The following ANKFY1 variants were observed in gnomAD, a reference collection of about 807,000 sequenced individuals.
The protein encoded by ANKFY1 is ankyrin repeat and FYVE domain-containing protein 1.
Under a neutral mutation model 128.3 loss-of-function variants are expected in ANKFY1, and 47 were observed. That is an observed-to-expected ratio of 0.37 (90% CI 0.29 to 0.47). The LOEUF (loss-of-function observed/expected upper bound fraction) is 0.47. Among genes scored for constraint, ANKFY1 ranks in the 20% least tolerant of loss-of-function variants. The pLI is 1.00. For synonymous variants in ANKFY1, 553 were observed against 601.6 expected (o/e 0.92, Z 1.18); for missense variants, 1,222 against 1,510.6 (o/e 0.81, Z 3.17).
intron 7 of ANKFY1, among the ~76,000 whole-genome samples, chr17:4,204,306 G>A (rs990006306): frequency 2.0e-5 from 3 of 152,226 alleles, no homozygotes; most frequent in Admixed American, 2.0e-4. Flanking sequence ...CGCATTCTCT[G>A]AACAAACCAA....
chr17:4,263,772 G>C, intron 1 of ANKFY1, 160 bp downstream of exon 1: 4 of 1,557,986 alleles, frequency 2.6e-6, no homozygotes, highest in Non-Finnish European at 3.5e-6. Context: ...TCCGGACCCC[G>C]GCCCGAGAAG....
chr17:4,176,137 G>A (rs2059408245), intron 19 of ANKFY1, among the ~76,000 whole-genome samples: 1 of 152,176 alleles, frequency 6.6e-6, no homozygotes, highest in African/African-American at 2.4e-5. Context: ...CACTGCCACG[G>A]CCTCCGCTCG....
Position 4,181,134 on chromosome 17 carries a change from A to T in ANKFY1, c.2240+120T>A. 1 of 784,232 alleles carries T rather than the reference A, an allele frequency of 1.3e-6. No individual in the cohort carries two copies. The highest frequency in any genetic ancestry group is 2.1e-6 in the Non-Finnish European group (1 of 469,648). 48.6% of individuals were successfully genotyped at this position (784,232 alleles called of 1,614,324 possible). On this transcript the variant is annotated intron_variant, in intron 16 of 24. Transcript: ENST00000341657. The surrounding 1 kb of genome is among the most constrained non-coding windows in gnomAD (Gnocchi z 4.9). ...AGAACAGTGACTCTCTGATAACCTT[A>T]ACTGTGAAAGTCAAGCCGGCTACTG...
chr17:4,167,679 G>T lies in ANKFY1; in HGVS notation c.*100C>A. 1 of 1,244,264 alleles carries T rather than the reference G, an allele frequency of 8.0e-7. No homozygotes were observed. Among genetic ancestry groups the T allele is most frequent in the Non-Finnish European group, 1.1e-6 (1 of 922,122 alleles). 77.1% of individuals were successfully genotyped at this position (1,244,264 alleles called of 1,614,324 possible). A position where few individuals can be genotyped will look rare whatever the true frequency, so the allele number is the denominator to read the frequency against. ...TCGTTCCAGTCTATTGCCGCAGGAAGACACCCGCCAGCTCCTGCTCTGGGT... is the reference window on the plus strand; with the variant it reads ...TCGTTCCAGTCTATTGCCGCAGGAATACACCCGCCAGCTCCTGCTCTGGGT... On this transcript the variant is annotated 3_prime_UTR_variant, in exon 25 of 25. Coordinates refer to ENST00000341657, the MANE Select transcript of ANKFY1 (RefSeq NM_001330063.2). This position sits in a 1 kb window ranked among gnomAD's most constrained non-coding sequence, Gnocchi z 4.1.
chr17:4,168,097 C>T, intron 24 of ANKFY1, 186 bp from the exon 25 acceptor site: 1 of 546,760 alleles, frequency 1.8e-6, no homozygotes, highest in Non-Finnish European at 3.1e-6. Context: ...AAACAAAACT[C>T]TAGTCAATCA....
intron 1 of ANKFY1, among the ~76,000 whole-genome samples, chr17:4,259,564 G>A (rs1013816339): frequency 6.6e-6 from 1 of 152,212 alleles, no homozygotes; most frequent in Admixed American, 6.5e-5. Flanking sequence ...TTACAGGCGT[G>A]AGCCACCGTG....
At chr17:4,249,026 T>C in intron 1 of ANKFY1, 3 of 613,488 alleles carry the variant, frequency 4.9e-6, no homozygotes, top group Non-Finnish European at 6.1e-6. Flanking sequence ...CTTCATTCAT[T>C]ACAAATAGCC....
In ANKFY1 at chr17:4,183,822, T is replaced by C. The variant is rs1291313819; in HGVS notation, c.1788A>G (p.Ala596=). ...CCGGCACAGCCTTACCAGTCCATAATGCCAGGCCCAGCACAGTCTGGTCTC... is the reference window on the plus strand; with the variant it reads ...CCGGCACAGCCTTACCAGTCCATAACGCCAGGCCCAGCACAGTCTGGTCTC... The part of the protein sequence containing the change: ...DSRDQTVLGL[A]LWTGMHTIAA... The change falls in exon 13 of 25, where the codon GCA becomes GCG. Residue 596 remains alanine (A), a synonymous_variant. Coordinates refer to ENST00000341657, the MANE Select transcript of ANKFY1 (RefSeq NM_001330063.2). The C allele has an allele frequency of 1.2e-6, 2 of 1,612,468 alleles. No individual in the cohort carries two copies. Among genetic ancestry groups the C allele is most frequent in the Admixed American group, 1.7e-5 (1 of 60,020 alleles).
intron 22 of ANKFY1, among the ~76,000 whole-genome samples, chr17:4,171,308 A>G (rs886435685): frequency 6.6e-6 from 1 of 152,174 alleles, no homozygotes; most frequent in African/African-American, 2.4e-5. Context: ...GAGAAGAAAA[A>G]TCAGTATTAG....
intron 19 of ANKFY1, 47 bp downstream of exon 19, chr17:4,177,079 A>G (rs2059422751): frequency 1.3e-6 from 2 of 1,486,810 alleles, no homozygotes; most frequent in South Asian, 1.4e-5. Flanking sequence ...GCTCTACAAT[A>G]TGCTTTGACA....
intron 17 of ANKFY1, 61 bp downstream of exon 17, chr17:4,179,660 G>A: frequency 1.9e-6 from 3 of 1,588,882 alleles, no homozygotes; most frequent in East Asian, 2.2e-5. Context: ...CTCTGCCATA[G>A]GAGGAGGCTT....
At chr17:4,233,514 AC>A (rs966236862) in intron 3 of ANKFY1, among the ~76,000 whole-genome samples, 11 of 152,222 alleles carry the variant, frequency 7.2e-5, no homozygotes, top group African/African-American at 2.4e-4. Context: ...TGTATCTACA[AC>A]TTTTAGTTAT....
Position 4,172,692 on chromosome 17 carries a change from A to C in ANKFY1, c.3015-12T>G. On this transcript the variant is annotated splice_polypyrimidine_tract_variant and intron_variant, in intron 21 of 24. Transcript: ENST00000341657. ...GTGGTGACTGGCCTCTGATAAAACA[A>C]GTTGGAAAAGTTAGGAATGTATCTG... 6.2e-7 allele frequency: 1 copy of C among 1,613,484 alleles called. No homozygotes were observed.
intron 3 of ANKFY1, among the ~76,000 whole-genome samples, chr17:4,226,574 A>G (rs1442915907): frequency 1.3e-5 from 2 of 152,120 alleles, no homozygotes; most frequent in African/African-American, 4.8e-5. Flanking sequence ...AAAGAAAAAA[A>G]GGACAGAAAT....
chr17:4,244,842 G>A (rs1025046137), intron 1 of ANKFY1, among the ~76,000 whole-genome samples: 1 of 151,866 alleles, frequency 6.6e-6, no homozygotes, highest in Non-Finnish European at 1.5e-5. Context: ...CTTTCACCTG[G>A]GTCCTGCTAG....
At chr17:4,184,118 C>T (rs925589546) in intron 12 of ANKFY1, among the ~76,000 whole-genome samples, 2 of 152,118 alleles carry the variant, frequency 1.3e-5, no homozygotes, top group African/African-American at 4.8e-5. Context: ...CTTTTTAAAG[C>T]TTAAAACACT....
chr17:4,192,550 A>G (rs1002873844), intron 10 of ANKFY1, among the ~76,000 whole-genome samples: 1 of 150,838 alleles, frequency 6.6e-6, no homozygotes, highest in Non-Finnish European at 1.5e-5. Context: ...TCTAATCTGG[A>G]GACTCCTAGT....
At chr17:4,172,415 C>G (rs2305504) in intron 22 of ANKFY1, 141 bp downstream of exon 22, 5 of 1,185,664 alleles carry the variant, frequency 4.2e-6, no homozygotes, top group Non-Finnish European at 5.8e-6. Context: ...CAACAGGGCT[C>G]TGTAACTCAC....
chr17:4,205,741 C>A (rs1185952842), intron 7 of ANKFY1, among the ~76,000 whole-genome samples: 23 of 145,324 alleles, frequency 1.6e-4, no homozygotes, highest in South Asian at 4.4e-4. Flanking sequence ...GACTCCGTCT[C>A]AAAAAAAAAA....
Sources: gnomAD v4.1 joint callset for allele counts (sites outside exome capture counted in the v4.1 genomes callset) on GRCh38, gnomAD v4.1.1 for gene constraint, Gnocchi (gnomAD v3.1) non-coding constraint, MANE v1.5 for transcripts, NCBI Gene and HGNC (gene_info 2026-07-23, HGNC 2026-07-21) for gene names.